HELZ: variants seen among roughly 807,000 people sequenced by gnomAD.
The protein encoded by HELZ is ATP-dependent RNA helicase with zinc finger domain.
Under a neutral mutation model 218.2 loss-of-function variants are expected in HELZ, and 23 were observed. The ratio of observed to expected loss-of-function variants is 0.11; its 90% CI spans 0.08 to 0.15. The LOEUF (loss-of-function observed/expected upper bound fraction) is 0.15, where lower values mean the gene tolerates loss of function less well. Among genes scored for constraint, HELZ ranks in the 10% least tolerant of loss-of-function variants. The pLI is 1.00. For synonymous variants in HELZ, 814 were observed against 829.4 expected (o/e 0.98, Z 0.32); for missense variants, 1,813 against 2,353.7 (o/e 0.77, Z 4.75).
rs780633051 is a variant in HELZ at position 67,121,493 on chromosome 17, C to G, written c.3631-881G>C. 2.2e-4 allele frequency among the ~76,000 whole-genome samples: 34 copies of G among 152,144 alleles called. 1 individual carries two copies. Among genetic ancestry groups the G allele is most frequent in the Non-Finnish European group, 2.9e-4 (20 of 68,034 alleles). Reference sequence around the variant, plus strand: ...CGTATTTCTCATTTACAGTCATTCTCCTTGGCTGTCATGATTGTGAACTAT... The same window carrying G: ...CGTATTTCTCATTTACAGTCATTCTGCTTGGCTGTCATGATTGTGAACTAT... On this transcript the variant is annotated intron_variant, in intron 26 of 32. Coordinates refer to ENST00000358691, the MANE Select transcript of HELZ (RefSeq NM_014877.4).
At chr17:67,230,504 G>A (rs935239717) in intron 3 of HELZ, among the ~76,000 whole-genome samples, 6 of 151,056 alleles carry the variant, frequency 4.0e-5, no homozygotes, top group African/African-American at 1.5e-4. Context: ...AGCTGAGGCA[G>A]GAGAATCGCT....
chr17:67,095,430 C>T lies in HELZ; in HGVS notation c.5242-8349G>A, dbSNP rs1163389799. ...AGGCATGGTGGTATGTGCCTGTAGC[C>T]CCAGATACTGAGGAGGCTGAGGTGG... On this transcript the variant is annotated intron_variant, in intron 31 of 32. Coordinates refer to ENST00000358691, the MANE Select transcript of HELZ (RefSeq NM_014877.4). Among the ~76,000 whole-genome samples, 3 of 151,970 alleles carry T rather than the reference C, an allele frequency of 2.0e-5. No homozygotes were observed. The East Asian group carries it at 5.8e-4, about 29-fold the overall frequency.
At chr17:67,244,638 AG>A (rs1396288485) in intron 1 of HELZ, 4 of 928,200 alleles carry the variant, frequency 4.3e-6, no homozygotes, top group Non-Finnish European at 5.1e-6. Context: ...CGGGGGAGGG[AG>A]GGGGCGCACG....
chr17:67,161,935 G>T (rs1412913210), intron 15 of HELZ, among the ~76,000 whole-genome samples: 1 of 152,088 alleles, frequency 6.6e-6, no homozygotes, highest in African/African-American at 2.4e-5. Flanking sequence ...AAAAATGAGA[G>T]GGATGTGAAT....
intron 3 of HELZ, among the ~76,000 whole-genome samples, chr17:67,235,836 C>G (rs1353167281): frequency 1.4e-5 from 2 of 146,768 alleles, no homozygotes; most frequent in Admixed American, 6.9e-5. Context: ...TCTCGGCTCA[C>G]TGCAAGCTCC....
chr17:67,152,925 A>C (rs1393273962), intron 17 of HELZ, among the ~76,000 whole-genome samples: 1 of 152,164 alleles, frequency 6.6e-6, no homozygotes, highest in Non-Finnish European at 1.5e-5. Context: ...AGTGTTTCAG[A>C]TAGAAATAGG....
chr17:67,141,782 C>T (rs150877336), intron 21 of HELZ, among the ~76,000 whole-genome samples: 143 of 152,230 alleles, frequency 9.4e-4, no homozygotes, highest in African/African-American at 3.3e-3. Context: ...TGGTGGTTCA[C>T]ACCTATAATC....
chr17:67,211,956 G>A (rs1261582337), intron 5 of HELZ, among the ~76,000 whole-genome samples: 2 of 152,078 alleles, frequency 1.3e-5, no homozygotes, highest in Admixed American at 6.6e-5. Flanking sequence ...GTCTGATTTC[G>A]TAACCCACAG....
intron 5 of HELZ, among the ~76,000 whole-genome samples, chr17:67,207,007 G>A (rs2040318437): frequency 6.6e-6 from 1 of 150,670 alleles, no homozygotes; most frequent in Non-Finnish European, 1.5e-5. Context: ...CTGCCTCCCA[G>A]GTTCAAGCGA....
chr17:67,131,416 CA>C (rs2037980007), intron 23 of HELZ, among the ~76,000 whole-genome samples: 1 of 152,116 alleles, frequency 6.6e-6, no homozygotes, highest in Non-Finnish European at 1.5e-5. Context: ...CTTTGCCTAC[CA>C]GAAGATTCTA....
intron 7 of HELZ, 49 bp downstream of exon 7, chr17:67,201,080 G>C: frequency 1.5e-6 from 2 of 1,304,652 alleles, no homozygotes; most frequent in Non-Finnish European, 2.2e-6. Flanking sequence ...ATGCTTACTA[G>C]ACAGATTGAG....
rs1321196240 is a variant in HELZ at position 67,244,611 on chromosome 17, G to C, written c.-132+537C>G. Reference sequence around the variant, plus strand: ...GAAAGGGGGGAAGAAAGTGAATCTCGGGCCGAGAGCCCTCCGCGGGGGAGG... The same window carrying C: ...GAAAGGGGGGAAGAAAGTGAATCTCCGGCCGAGAGCCCTCCGCGGGGGAGG... On this transcript the variant is annotated intron_variant, in intron 1 of 32. Transcript: ENST00000358691. The C allele has an allele frequency of 4.4e-5, 42 of 956,658 alleles. 1 individual carries two copies. In the South Asian group the frequency reaches 5.3e-4, roughly 12 times the overall value. The allele number at this position is 956,658 out of a possible 1,614,324, so 59.3% of individuals were successfully genotyped here. A position where few individuals can be genotyped will look rare whatever the true frequency, so the allele number is the denominator to read the frequency against.
intron 27 of HELZ, among the ~76,000 whole-genome samples, chr17:67,118,630 TGCTTGA>T (rs1402955267): frequency 1.4e-5 from 2 of 140,642 alleles, no homozygotes; most frequent in Non-Finnish European, 3.0e-5. Flanking sequence ...GTGAGAGGAT[TGCTTGA>T]GCCCAGGAGT....
chr17:67,203,439 C>G lies in HELZ; in HGVS notation c.252G>C (p.Leu84=). ...VQADEDCRHV[L]GEGLAKGEDA... The stretch of plus-strand genomic sequence containing the variant: ...CTTCTCCCTTGGCCAGTCCTTCTCC[C>G]AGCACTGCCATGAAAGAACAGCCAT... The change falls in exon 6 of 33, where the codon CTG becomes CTC. Residue 84 remains leucine (L), a synonymous_variant. Transcript: ENST00000358691. The G allele has an allele frequency of 6.2e-7, 1 of 1,612,906 alleles. No homozygotes were observed. Among genetic ancestry groups the G allele is most frequent in the South Asian group, 1.1e-5 (1 of 90,762 alleles).
intron 31 of HELZ, among the ~76,000 whole-genome samples, chr17:67,087,322 G>A (rs2036424002): frequency 6.6e-6 from 1 of 152,170 alleles, no homozygotes; most frequent in Admixed American, 6.5e-5. Flanking sequence ...GTTCCTCACT[G>A]CATAGTCCTG....
At chr17:67,122,852 T>A in intron 26 of HELZ, 118 bp downstream of exon 26, 1 of 655,910 alleles carries the variant, frequency 1.5e-6, no homozygotes, top group East Asian at 2.7e-5. Context: ...AAGAAGATTA[T>A]CAGCACTGAA....
intron 6 of HELZ, among the ~76,000 whole-genome samples, chr17:67,202,663 T>C (rs1204810812): frequency 6.6e-6 from 1 of 152,238 alleles, no homozygotes; most frequent in Non-Finnish European, 1.5e-5. Flanking sequence ...AAATAAATTG[T>C]TGAATTTAAG....
chr17:67,245,009 C>G (rs1406532946), intron 1 of HELZ, 139 bp downstream of exon 1: 1 of 985,458 alleles, frequency 1.0e-6, no homozygotes, highest in Admixed American at 6.2e-5. Context: ...AGCCGCGGGC[C>G]GCCCAGGCCC....
At chr17:67,115,212 G>A (rs1475820381) in intron 27 of HELZ, among the ~76,000 whole-genome samples, 1 of 151,910 alleles carries the variant, frequency 6.6e-6, no homozygotes, top group Non-Finnish European at 1.5e-5. Context: ...CATTACAGAA[G>A]AAAAATCTGG....
Sources: allele counts gnomAD v4.1 joint callset (sites outside exome capture counted in the v4.1 genomes callset), GRCh38; gene constraint gnomAD v4.1.1; transcripts MANE v1.5; gene names NCBI Gene and HGNC (gene_info 2026-07-23, HGNC 2026-07-21).